The following SGCZ variants were observed in gnomAD, a reference collection of about 807,000 sequenced individuals.
The protein encoded by SGCZ is sarcoglycan zeta.
SGCZ carries 40 observed loss-of-function variants against 41.3 expected under a neutral mutation model. That is an observed-to-expected ratio of 0.97 (90% CI 0.75 to 1.26). The LOEUF (loss-of-function observed/expected upper bound fraction) is 1.26. SGCZ is among the 50% of genes most tolerant of loss of function. SGCZ has a pLI of 0.00. For missense variants in SGCZ, 552 were observed against 369.8 expected, an observed-to-expected ratio of 1.49 and a Z score of -4.04; for synonymous variants, 206 against 137.5, an observed-to-expected ratio of 1.50 and a Z score of -3.49.
At chr8:14,751,078 G>GA (rs1323106032) in intron 1 of SGCZ, among the ~76,000 whole-genome samples, 1 of 152,136 alleles carries the variant, frequency 6.6e-6, no homozygotes, top group Non-Finnish European at 1.5e-5. Context: ...GTAAAAGTAA[G>GA]AAAAATCACA....
chr8:15,178,619 T>A (rs1254292861), intron 1 of SGCZ, among the ~76,000 whole-genome samples: 4 of 152,218 alleles, frequency 2.6e-5, no homozygotes, highest in Non-Finnish European at 5.9e-5. Flanking sequence ...CTTATTCATC[T>A]TGCTCAGCTG....
intron 1 of SGCZ, among the ~76,000 whole-genome samples, chr8:14,788,958 A>G (rs1800862004): frequency 6.6e-6 from 1 of 152,116 alleles, no homozygotes; most frequent in African/African-American, 2.4e-5. Flanking sequence ...AAAAAACTAA[A>G]TAATAATAAT....
At chr8:14,597,016 A>G (rs1805434511) in intron 1 of SGCZ, among the ~76,000 whole-genome samples, 1 of 152,132 alleles carries the variant, frequency 6.6e-6, no homozygotes, top group Admixed American at 6.6e-5. Context: ...ATTGTGAACA[A>G]CTCATAACTT....
chr8:15,023,671 C>A (rs992990412), intron 1 of SGCZ, among the ~76,000 whole-genome samples: 1 of 152,198 alleles, frequency 6.6e-6, no homozygotes, highest in Middle Eastern at 3.4e-3. Context: ...ATGCAAGAGA[C>A]CGGAAATTAT....
chr8:14,134,407 G>A (rs1393239833), intron 5 of SGCZ, among the ~76,000 whole-genome samples: 1 of 152,090 alleles, frequency 6.6e-6, no homozygotes, highest in Non-Finnish European at 1.5e-5. Flanking sequence ...ATACTATGAA[G>A]GCTAAAGATG....
chr8:14,584,975 G>C (rs1805012402), intron 1 of SGCZ, among the ~76,000 whole-genome samples: 3 of 152,062 alleles, frequency 2.0e-5, no homozygotes, highest in Non-Finnish European at 4.4e-5. Context: ...CTTGAGCCCA[G>C]GTACTTTAGC....
At position 14,870,047 on chromosome 8, in the gene SGCZ, T is replaced by C. The variant is rs534053385; in HGVS notation, c.40-315121A>G. Among the ~76,000 whole-genome samples, 14 of 152,220 alleles carry C rather than the reference T, an allele frequency of 9.2e-5. 1 individual carries two copies. Among genetic ancestry groups the C allele is most frequent in the Admixed American group, 3.3e-4 (5 of 15,290 alleles). ...CACTGCTATCCCCATCAAGCTACCA[T>C]TGACTTTCTTCACAGAACTAGAAAA... On this transcript the variant is annotated intron_variant, in intron 1 of 7. Coordinates refer to ENST00000382080, the MANE Select transcript of SGCZ (RefSeq NM_139167.4).
rs566596691 is a variant in SGCZ, at chr8:14,363,100, C to T, written c.235-38896G>A. 5.9e-5 allele frequency among the ~76,000 whole-genome samples: 9 copies of T among 152,104 alleles called. No homozygotes were observed. The East Asian group carries it at 1.7e-3, about 30-fold the overall frequency. ...AAAGAGAGAATGTAATAAAATATTC[C>T]TAATCTGGGGTCTAAATGCAAAATC... On this transcript the variant is annotated intron_variant, in intron 2 of 7. Coordinates refer to ENST00000382080, the MANE Select transcript of SGCZ (RefSeq NM_139167.4).
chr8:14,403,227 G>A (rs1330328144), intron 2 of SGCZ, among the ~76,000 whole-genome samples: 9 of 150,104 alleles, frequency 6.0e-5, no homozygotes, highest in Middle Eastern at 3.4e-3. Context: ...CAATCATGTC[G>A]TCTGCAAACA....
At chr8:14,123,922 G>A (rs1802775021) in intron 5 of SGCZ, among the ~76,000 whole-genome samples, 2 of 152,142 alleles carry the variant, frequency 1.3e-5, no homozygotes, top group Non-Finnish European at 2.9e-5. Context: ...AAAAATGGAA[G>A]AGAGAGGCAC....
intron 1 of SGCZ, among the ~76,000 whole-genome samples, chr8:14,766,424 G>A (rs566463640): frequency 7.9e-5 from 12 of 152,064 alleles, no homozygotes; most frequent in South Asian, 4.2e-4. Flanking sequence ...AATGATGAAC[G>A]TCTTAAAGAT....
Position 14,332,941 on chromosome 8 carries a change from G to GTA in SGCZ, c.235-8738_235-8737insTA, listed in dbSNP as rs1334133591. Among the ~76,000 whole-genome samples the GTA allele has an allele frequency of 8.7e-5, 13 of 149,002 alleles. 1 individual carries two copies. Among genetic ancestry groups the GTA allele is most frequent in the African/African-American group, 2.7e-4 (11 of 40,820 alleles). ...TATATATACATATATATACATATATGTGTATATATATAAAATGTTCACATA... is the reference window on the plus strand; with the variant it reads ...TATATATACATATATATACATATATGTATGTATATATATAAAATGTTCACATA... On this transcript the variant is annotated intron_variant, in intron 2 of 7. Transcript: ENST00000382080.
At chr8:14,487,908 A>G (rs1801722894) in intron 2 of SGCZ, 1 of 152,170 alleles carries the variant, frequency 6.6e-6, no homozygotes, top group Admixed American at 6.5e-5. Flanking sequence ...TCTACTCTGT[A>G]GTAAGTGTTA....
At chr8:14,093,860 T>A (rs1801762372) in intron 7 of SGCZ, among the ~76,000 whole-genome samples, 1 of 152,130 alleles carries the variant, frequency 6.6e-6, no homozygotes, top group Non-Finnish European at 1.5e-5. Context: ...TATACTTTTC[T>A]CTATAGTAAA....
intron 1 of SGCZ, among the ~76,000 whole-genome samples, chr8:15,099,675 T>G (rs1806527464): frequency 6.6e-6 from 1 of 152,098 alleles, no homozygotes; most frequent in Non-Finnish European, 1.5e-5. Context: ...AAGAGAAAAT[T>G]ACACCAATAT....
chr8:14,433,010 A>T (rs1025277536), intron 2 of SGCZ, among the ~76,000 whole-genome samples: 1 of 152,006 alleles, frequency 6.6e-6, no homozygotes, highest in African/African-American at 2.4e-5. Flanking sequence ...AACTAAAGAA[A>T]AAAAACATTG....
intron 1 of SGCZ, among the ~76,000 whole-genome samples, chr8:15,138,083 G>C (rs936284032): frequency 2.0e-5 from 3 of 152,182 alleles, no homozygotes; most frequent in Non-Finnish European, 4.4e-5. Context: ...AGCATGACTT[G>C]GCTGTGAGAC....
intron 2 of SGCZ, among the ~76,000 whole-genome samples, chr8:14,383,231 ATAAT>A (rs768867278): frequency 2.6e-5 from 4 of 152,264 alleles, no homozygotes; most frequent in Non-Finnish European, 5.9e-5. Flanking sequence ...ATTAATGTGA[ATAAT>A]TAATTAAAAT....
At chr8:14,743,241 T>C (rs1799245748) in intron 1 of SGCZ, among the ~76,000 whole-genome samples, 1 of 152,074 alleles carries the variant, frequency 6.6e-6, no homozygotes, top group African/African-American at 2.4e-5. Context: ...ATGATATTCT[T>C]ATTAATATAT....
Sources: allele counts gnomAD v4.1 joint callset (sites outside exome capture counted in the v4.1 genomes callset), GRCh38; gene constraint gnomAD v4.1.1; transcripts MANE v1.5; gene names NCBI Gene and HGNC (gene_info 2026-07-23, HGNC 2026-07-21).